The following NPAS3 variants were observed in gnomAD, a reference collection of about 807,000 sequenced individuals.
NPAS3 encodes the protein neuronal PAS domain protein 3, also known as neuronal PAS domain-containing protein 3.
A neutral mutation model predicts 73.1 loss-of-function variants in NPAS3; 14 were observed. The observed-to-expected ratio is 0.19, with a 90% CI of 0.13 to 0.30. The LOEUF is 0.30. Ranked by LOEUF, NPAS3 falls within the 10% of genes least tolerant of loss-of-function variation. The probability of loss-of-function intolerance (pLI) is 1.00; values close to 1 mark genes in which losing one functional copy is unlikely to be tolerated. For missense variants in NPAS3, 1,096 were observed against 1,250.0 expected (o/e 0.88, Z 1.86); for synonymous variants, 620 against 541.5 (o/e 1.14, Z -2.01).
In NPAS3 at chr14:33,323,219, T is replaced by G. The variant is rs572958407; in HGVS notation, c.386-43967T>G. On this transcript the variant is annotated intron_variant, in intron 3 of 11. Coordinates refer to ENST00000356141, the Ensembl canonical transcript of NPAS3. ...GCCTAATAGACTATGAGCTGTTGTC[T>G]CCTTTGTCTACATATTTTATTTACA... is the stretch of plus-strand genomic sequence containing the variant. Among the ~76,000 whole-genome samples the G allele has an allele frequency of 3.9e-5, 6 of 152,330 alleles. No individual in the cohort carries two copies. In the South Asian group the frequency reaches 8.3e-4, roughly 21 times the overall value.
chr14:33,406,305 G>T (rs1236320577), intron 4 of NPAS3, among the ~76,000 whole-genome samples: 2 of 152,130 alleles, frequency 1.3e-5, no homozygotes, highest in African/African-American at 4.8e-5. Context: ...GGTGGGAAGA[G>T]AGTAGAGTGT....
chr14:33,333,639 G>A, intron 3 of NPAS3, among the ~76,000 whole-genome samples: 1 of 152,272 alleles, frequency 6.6e-6, no homozygotes, highest in East Asian at 1.9e-4. Context: ...CCTTGAGAGA[G>A]TGTGCTCATT....
At chr14:33,577,712 G>C (rs61607981) in intron 5 of NPAS3, among the ~76,000 whole-genome samples, 24,136 of 152,208 alleles carry the variant, frequency 0.16, 2,444 homozygotes, top group East Asian at 0.51. Context: ...ATGATATTCT[G>C]TCTTCTCTAA....
intron 4 of NPAS3, among the ~76,000 whole-genome samples, chr14:33,410,287 T>A (rs2047864703): frequency 6.6e-6 from 1 of 152,164 alleles, no homozygotes; most frequent in Non-Finnish European, 1.5e-5. Context: ...TGCAATACAT[T>A]TAGCTTATTT....
chr14:33,146,151 T>C (rs2044230551), intron 2 of NPAS3, among the ~76,000 whole-genome samples: 1 of 152,214 alleles, frequency 6.6e-6, no homozygotes, highest in African/African-American at 2.4e-5. Flanking sequence ...ACTTTTTACC[T>C]GTTTTTTCTA....
intron 2 of NPAS3, among the ~76,000 whole-genome samples, chr14:33,157,380 C>T (rs2044685679): frequency 6.6e-6 from 1 of 152,114 alleles, no homozygotes; most frequent in African/African-American, 2.4e-5. Flanking sequence ...CCACCTGTCT[C>T]GGACATTTAA....
intron 5 of NPAS3, among the ~76,000 whole-genome samples, chr14:33,655,355 T>TTA (rs386381063): frequency 2.8e-5 from 4 of 141,996 alleles, no homozygotes; most frequent in Admixed American, 1.4e-4. Flanking sequence ...TTTTTTTTTT[T>TTA]AACAGCAAGT....
intron 5 of NPAS3, among the ~76,000 whole-genome samples, chr14:33,666,276 GT>G (rs2059448072): frequency 6.6e-6 from 1 of 152,138 alleles, no homozygotes; most frequent in Non-Finnish European, 1.5e-5. Context: ...CTCCAGTGCA[GT>G]TAAAACCCTC....
At chr14:33,361,156 C>A (rs2045582061) in intron 3 of NPAS3, among the ~76,000 whole-genome samples, 1 of 152,124 alleles carries the variant, frequency 6.6e-6, no homozygotes, top group Non-Finnish European at 1.5e-5. Flanking sequence ...TTCTCATTTC[C>A]CTCAATGGAA....
intron 6 of NPAS3, among the ~76,000 whole-genome samples, chr14:33,701,771 T>G (rs2060529212): frequency 6.6e-6 from 1 of 152,220 alleles, no homozygotes; most frequent in Non-Finnish European, 1.5e-5. Context: ...GTATTTCCAG[T>G]GTTCGTACTG....
chr14:33,257,601 C>G (rs1249237441), intron 3 of NPAS3, among the ~76,000 whole-genome samples: 1 of 152,112 alleles, frequency 6.6e-6, no homozygotes, highest in African/African-American at 2.4e-5. Context: ...GAAAGTGTGC[C>G]ATAGGAGTAG....
chr14:33,414,290 A>T (rs1313688808), intron 4 of NPAS3, among the ~76,000 whole-genome samples: 1 of 152,092 alleles, frequency 6.6e-6, no homozygotes, highest in South Asian at 2.1e-4. Flanking sequence ...AGGAAACAAG[A>T]GTTCAGTTGG....
At chr14:33,343,962 A>C (rs558234867) in intron 3 of NPAS3, among the ~76,000 whole-genome samples, 1 of 152,316 alleles carries the variant, frequency 6.6e-6, no homozygotes, top group South Asian at 2.1e-4. Context: ...AATAGCTTTT[A>C]AGGAAATGTG....
At chr14:33,126,577 G>A (rs1466903334) in intron 2 of NPAS3, among the ~76,000 whole-genome samples, 1 of 152,112 alleles carries the variant, frequency 6.6e-6, no homozygotes, top group African/African-American at 2.4e-5. Flanking sequence ...CAAGAGGCAT[G>A]AACATGGAGA....
At chr14:33,432,827 A>T (rs2048837793) in intron 4 of NPAS3, among the ~76,000 whole-genome samples, 1 of 152,232 alleles carries the variant, frequency 6.6e-6, no homozygotes, top group Admixed American at 6.5e-5. Context: ...ATCACTGTAC[A>T]TCAGCATATT....
At chr14:33,207,406 T>A (rs1191254884) in intron 2 of NPAS3, among the ~76,000 whole-genome samples, 1 of 152,164 alleles carries the variant, frequency 6.6e-6, no homozygotes, top group Non-Finnish European at 1.5e-5. Context: ...CACCCATCTC[T>A]GAGTGTGAAC....
chr14:33,380,264 G>A (rs758390434), intron 4 of NPAS3, among the ~76,000 whole-genome samples: 1 of 151,952 alleles, frequency 6.6e-6, no homozygotes, highest in Non-Finnish European at 1.5e-5. Context: ...CCTGGCCTGG[G>A]TAATACTATA....
intron 5 of NPAS3, among the ~76,000 whole-genome samples, chr14:33,562,116 T>C (rs556881819): frequency 1.6e-4 from 24 of 152,328 alleles, no homozygotes; most frequent in African/African-American, 5.8e-4. Context: ...GCATCTGGAA[T>C]AGTGCGGCCA....
At chr14:33,361,311 T>G (rs1448933814) in intron 3 of NPAS3, among the ~76,000 whole-genome samples, 1 of 152,228 alleles carries the variant, frequency 6.6e-6, no homozygotes, top group Non-Finnish European at 1.5e-5. Flanking sequence ...TTTAGAGGAC[T>G]ATGCCATTTT....
Sources: allele counts gnomAD v4.1 joint callset (sites outside exome capture counted in the v4.1 genomes callset), GRCh38; gene constraint gnomAD v4.1.1; transcripts MANE v1.5; gene names NCBI Gene and HGNC (gene_info 2026-07-23, HGNC 2026-07-21).